The following LRP1B variants were observed in gnomAD, a reference collection of about 807,000 sequenced individuals.
LRP1B encodes LDL receptor related protein 1B, also known as low-density lipoprotein receptor-related protein 1B.
Under a neutral mutation model 556.6 loss-of-function variants are expected in LRP1B, and 217 were observed. The observed-to-expected ratio is 0.39, with a 90% CI of 0.35 to 0.44. The LOEUF is 0.44. Among genes scored for constraint, LRP1B ranks in the 20% least tolerant of loss-of-function variants. The pLI is 1.00. For synonymous variants in LRP1B, 2,047 were observed against 1,865.8 expected (o/e 1.10, Z -2.50); for missense variants, 5,053 against 5,620.8 (o/e 0.90, Z 3.23).
At chr2:141,485,643 T>A (rs1683093802) in intron 2 of LRP1B, among the ~76,000 whole-genome samples, 1 of 152,124 alleles carries the variant, frequency 6.6e-6, no homozygotes, top group Non-Finnish European at 1.5e-5. Flanking sequence ...CCAATGATCA[T>A]TTGTGCAGTG....
chr2:141,527,929 C>T (rs540677256), intron 2 of LRP1B, among the ~76,000 whole-genome samples: 15 of 151,996 alleles, frequency 9.9e-5, no homozygotes, highest in Admixed American at 2.6e-4. Context: ...TTATATAATA[C>T]GCCTCCTACA....
intron 17 of LRP1B, among the ~76,000 whole-genome samples, chr2:140,985,010 G>A (rs12478629): frequency 0.014 from 2,202 of 152,112 alleles, 32 homozygotes; most frequent in Non-Finnish European, 0.023. Flanking sequence ...AAGTTAGTTT[G>A]GAGGCAAGAT....
At chr2:141,708,731 GA>G (rs1355346995) in intron 2 of LRP1B, among the ~76,000 whole-genome samples, 1 of 152,060 alleles carries the variant, frequency 6.6e-6, no homozygotes, top group African/African-American at 2.4e-5. Flanking sequence ...TTAAAGAGGT[GA>G]CCAAATTCAA....
At chr2:140,833,183 AGAATGAAT>A (rs370222343) in intron 31 of LRP1B, among the ~76,000 whole-genome samples, 1 of 152,142 alleles carries the variant, frequency 6.6e-6, no homozygotes, top group African/African-American at 2.4e-5. Flanking sequence ...AATGGGTTAG[AGAATGAAT>A]GAATGAATGA....
At chr2:141,971,095 C>T (rs1574545869) in intron 1 of LRP1B, among the ~76,000 whole-genome samples, 1 of 151,468 alleles carries the variant, frequency 6.6e-6, no homozygotes, top group Admixed American at 6.6e-5. Flanking sequence ...ACAACCCAAA[C>T]CTTAAGGTTA....
intron 3 of LRP1B, among the ~76,000 whole-genome samples, chr2:141,397,926 A>T (rs1308104898): frequency 6.6e-6 from 1 of 151,890 alleles, no homozygotes; most frequent in African/African-American, 2.4e-5. Flanking sequence ...GCATATGTAT[A>T]TATATTTTTA....
At chr2:141,802,730 C>T (rs1226357692) in intron 2 of LRP1B, among the ~76,000 whole-genome samples, 1 of 152,058 alleles carries the variant, frequency 6.6e-6, no homozygotes, top group Non-Finnish European at 1.5e-5. Context: ...GAGTGAAAGT[C>T]AAATGTAAAT....
rs1687661366 is a variant in LRP1B, at chr2:140,469,023, T to C, written c.9625+6115A>G. On this transcript the variant is annotated intron_variant, in intron 60 of 90. Coordinates refer to ENST00000389484, the MANE Select transcript of LRP1B (RefSeq NM_018557.3). ...AGATATAGAGAAGACTATAGACTTT[T>C]GAGTTAGTGTTGGAACAAGTTAAGA... Among the ~76,000 whole-genome samples the C allele has an allele frequency of 2.0e-5, 3 of 152,198 alleles. No homozygotes were observed. The South Asian group carries it at 6.2e-4, about 31-fold the overall frequency.
intron 43 of LRP1B, among the ~76,000 whole-genome samples, chr2:140,597,632 T>C (rs1682496178): frequency 6.6e-6 from 1 of 152,202 alleles, no homozygotes; most frequent in Admixed American, 6.5e-5. Context: ...AATTCAATCT[T>C]CAACTGAATT....
Position 142,013,945 on chromosome 2 carries a change from G to C in LRP1B, c.82+116703C>G, listed in dbSNP as rs562092316. Among the ~76,000 whole-genome samples, 44 of 152,268 alleles carry C rather than the reference G, an allele frequency of 2.9e-4. 1 individual carries two copies. In the South Asian group the frequency reaches 8.3e-3, roughly 29 times the overall value. On this transcript the variant is annotated intron_variant, in intron 1 of 90. Transcript: ENST00000389484. ...ACAGATCTAAACTTGGGAGTGCCCAGATATCCTGATATCTGCAGAACAAAG... is the reference window on the plus strand; with the variant it reads ...ACAGATCTAAACTTGGGAGTGCCCACATATCCTGATATCTGCAGAACAAAG...
chr2:142,032,914 C>G (rs995911090), intron 1 of LRP1B, among the ~76,000 whole-genome samples: 2 of 151,840 alleles, frequency 1.3e-5, no homozygotes, highest in Non-Finnish European at 2.9e-5. Flanking sequence ...TTAACACTAT[C>G]AGCATGTGAA....
chr2:140,832,031 AG>A (rs1691735361), intron 31 of LRP1B, among the ~76,000 whole-genome samples: 1 of 152,204 alleles, frequency 6.6e-6, no homozygotes, highest in African/African-American at 2.4e-5. Flanking sequence ...GTAGCTAGTG[AG>A]GAGGTACAGA....
chr2:141,232,418 T>C (rs1683504368), intron 5 of LRP1B, among the ~76,000 whole-genome samples: 1 of 152,206 alleles, frequency 6.6e-6, no homozygotes, highest in Non-Finnish European at 1.5e-5. Context: ...CAAAGTTTTA[T>C]GCAAAGTCCA....
At chr2:141,890,775 T>G (rs893976429) in intron 1 of LRP1B, among the ~76,000 whole-genome samples, 32 of 152,148 alleles carry the variant, frequency 2.1e-4, no homozygotes, top group African/African-American at 7.7e-4. Context: ...ACCTTTTGCT[T>G]GTACTTTAAT....
chr2:141,136,135 G>C (rs1701486224), intron 7 of LRP1B, among the ~76,000 whole-genome samples: 1 of 151,818 alleles, frequency 6.6e-6, no homozygotes, highest in African/African-American at 2.4e-5. Context: ...AAAGGACATA[G>C]GCTATATATT....
intron 56 of LRP1B, 149 bp from the exon 57 acceptor site, chr2:140,492,842 G>T: frequency 1.8e-6 from 1 of 564,320 alleles, no homozygotes; most frequent in South Asian, 2.4e-5. Context: ...ACTGAGCAAC[G>T]TAGTTGGCAG....
chr2:140,789,792 G>T (rs1044094953), intron 32 of LRP1B, among the ~76,000 whole-genome samples: 55 of 150,494 alleles, frequency 3.7e-4, no homozygotes, highest in Non-Finnish European at 1.2e-4. Context: ...CACTACGCCC[G>T]GCTAATTTTT....
intron 3 of LRP1B, among the ~76,000 whole-genome samples, chr2:141,345,973 T>C (rs991089967): frequency 6.6e-6 from 1 of 152,088 alleles, no homozygotes; most frequent in Non-Finnish European, 1.5e-5. Flanking sequence ...AATATTTTAG[T>C]TATATGATAG....
intron 15 of LRP1B, among the ~76,000 whole-genome samples, chr2:140,995,513 G>T (rs1697219320): frequency 6.6e-6 from 1 of 151,992 alleles, no homozygotes; most frequent in Non-Finnish European, 1.5e-5. Flanking sequence ...TGGGTGTGTA[G>T]TTTTGCTTTT....
Sources: allele counts gnomAD v4.1 joint callset (sites outside exome capture counted in the v4.1 genomes callset), GRCh38; gene constraint gnomAD v4.1.1; transcripts MANE v1.5; gene names NCBI Gene and HGNC (gene_info 2026-07-23, HGNC 2026-07-21).